Variants in DTWD2 observed in about 807,000 individuals in gnomAD.
DTWD2 encodes the protein tRNA-uridine aminocarboxypropyltransferase 2.
Under a neutral mutation model 31.8 loss-of-function variants are expected in DTWD2, and 39 were observed. That is an observed-to-expected ratio of 1.22 (90% CI 0.95 to 1.60). The LOEUF is 1.60. Among genes scored for constraint, DTWD2 ranks in the 40% most tolerant of loss-of-function variants. DTWD2 has a pLI of 0.00. For synonymous variants in DTWD2, 180 were observed against 142.8 expected, an observed-to-expected ratio of 1.26 and a Z score of -1.86; for missense variants, 515 against 381.5, an observed-to-expected ratio of 1.35 and a Z score of -2.92.
chr5:118,978,419 TATC>T (rs577806132), intron 1 of DTWD2, among the ~76,000 whole-genome samples: 31 of 152,166 alleles, frequency 2.0e-4, no homozygotes, highest in African/African-American at 6.7e-4. Context: ...CAAAAGAAAC[TATC>T]ATCAGAGTGA....
At chr5:118,951,239 T>C (rs1469259671) in intron 1 of DTWD2, among the ~76,000 whole-genome samples, 1 of 151,554 alleles carries the variant, frequency 6.6e-6, no homozygotes, top group East Asian at 1.9e-4. Context: ...ATAGAAGGAT[T>C]ATAGGGTGGA....
intron 1 of DTWD2, among the ~76,000 whole-genome samples, chr5:118,958,145 G>C (rs747370560): frequency 4.6e-5 from 7 of 152,026 alleles, no homozygotes; most frequent in Non-Finnish European, 8.8e-5. Context: ...TTGGTTATTT[G>C]AAAGAATAAA....
chr5:118,933,312 CTA>C (rs1753966806), intron 3 of DTWD2, among the ~76,000 whole-genome samples: 1 of 152,134 alleles, frequency 6.6e-6, no homozygotes, highest in African/African-American at 2.4e-5. Context: ...CTAATTCATT[CTA>C]TAAGGCCAGC....
At chr5:118,851,212 C>G (rs1176457187) in intron 4 of DTWD2, among the ~76,000 whole-genome samples, 2 of 131,454 alleles carry the variant, frequency 1.5e-5, no homozygotes, top group Non-Finnish European at 1.6e-5. Context: ...GAGTGAGACC[C>G]TATCTCAAAA....
At chr5:118,920,742 G>C (rs1753684725) in intron 4 of DTWD2, among the ~76,000 whole-genome samples, 1 of 152,144 alleles carries the variant, frequency 6.6e-6, no homozygotes, top group Non-Finnish European at 1.5e-5. Flanking sequence ...AAATATTACA[G>C]TTATATTCAT....
chr5:118,856,369 T>C (rs1029728566), intron 4 of DTWD2, among the ~76,000 whole-genome samples: 1 of 152,208 alleles, frequency 6.6e-6, no homozygotes, highest in Admixed American at 6.5e-5. Flanking sequence ...ACAGTATCCC[T>C]GTCTGTGAAT....
chr5:118,951,037 G>T (rs542210847), intron 1 of DTWD2, among the ~76,000 whole-genome samples: 1 of 152,094 alleles, frequency 6.6e-6, no homozygotes, highest in East Asian at 1.9e-4. Flanking sequence ...ACTGGGCTGG[G>T]TTTTCATATT....
chr5:118,870,292 G>T (rs1418565445), intron 4 of DTWD2, among the ~76,000 whole-genome samples: 1 of 152,086 alleles, frequency 6.6e-6, no homozygotes, highest in Non-Finnish European at 1.5e-5. Context: ...TAATAGTAAC[G>T]AACTAGACAT....
At chr5:118,854,100 C>T (rs1752075752) in intron 4 of DTWD2, among the ~76,000 whole-genome samples, 1 of 152,078 alleles carries the variant, frequency 6.6e-6, no homozygotes, top group African/African-American at 2.4e-5. Flanking sequence ...GTTGAGGTAG[C>T]TCACTTACAG....
chr5:118,908,094 T>C (rs189232613), intron 4 of DTWD2, among the ~76,000 whole-genome samples: 4 of 152,350 alleles, frequency 2.6e-5, no homozygotes, highest in Admixed American at 2.6e-4. Context: ...TTCATGTTTA[T>C]TAAAAATGAG....
At chr5:118,882,543 G>T (rs1455873443) in intron 4 of DTWD2, among the ~76,000 whole-genome samples, 1 of 152,224 alleles carries the variant, frequency 6.6e-6, no homozygotes, top group Non-Finnish European at 1.5e-5. Context: ...CTCCATGAGG[G>T]CTCTGCACCT....
chr5:118,842,662 C>T (rs114728901), intron 5 of DTWD2, among the ~76,000 whole-genome samples: 1,574 of 152,080 alleles, frequency 0.01, 28 homozygotes, highest in African/African-American at 0.036. Flanking sequence ...CTGTAATATA[C>T]ACCCCCACAT....
intron 1 of DTWD2, among the ~76,000 whole-genome samples, chr5:118,952,972 A>T (rs1319504974): frequency 6.6e-6 from 1 of 152,156 alleles, no homozygotes; most frequent in African/African-American, 2.4e-5. Context: ...TTGTTTTCAC[A>T]TCTTCCTCTC....
rs371000889 is a variant in DTWD2, at chr5:118,886,125, T to C, written c.598-37907A>G. Among the ~76,000 whole-genome samples the C allele has an allele frequency of 8.5e-5, 13 of 152,380 alleles. No homozygotes were observed. In the East Asian group the frequency reaches 9.6e-4, roughly 11 times the overall value. ...TTTATTATAAATTGTGCTTATTCAC[T>C]GGAATTATTAATTAACATACTGTCT... On this transcript the variant is annotated intron_variant, in intron 4 of 5. Coordinates refer to ENST00000510708, the MANE Select transcript of DTWD2 (RefSeq NM_173666.4).
chr5:118,939,138 C>T, intron 3 of DTWD2, 58 bp downstream of exon 3: 1 of 1,498,210 alleles, frequency 6.7e-7, no homozygotes, highest in Non-Finnish European at 9.0e-7. Flanking sequence ...TGAAAGAAAC[C>T]ATTTTTTAAG....
intron 4 of DTWD2, among the ~76,000 whole-genome samples, chr5:118,922,313 C>T (rs1212971102): frequency 6.6e-6 from 1 of 152,120 alleles, no homozygotes; most frequent in Non-Finnish European, 1.5e-5. Flanking sequence ...AACTATATTT[C>T]TTCTATAAAC....
rs1561418897 is a variant in DTWD2 at position 118,837,684 on chromosome 5, T to G, written c.*3233A>C. The G allele has an allele frequency of 6.6e-6, 1 of 152,174 alleles. No homozygotes were observed. The highest frequency in any genetic ancestry group is 1.5e-5 in the Non-Finnish European group (1 of 68,046). 9.4% of individuals were successfully genotyped at this position (152,174 alleles called of 1,614,324 possible). A position where few individuals can be genotyped will look rare whatever the true frequency, so the allele number is the denominator to read the frequency against. ...GAGAGGCCAAGGCAGAAGGATCGCT[T>G]GAGGCCAGGAGTTCAGGACCAGCCT... is the stretch of plus-strand genomic sequence containing the variant. On this transcript the variant is annotated 3_prime_UTR_variant, in exon 6 of 6. Transcript: ENST00000510708.
intron 4 of DTWD2, among the ~76,000 whole-genome samples, chr5:118,870,644 T>C (rs2149549353): frequency 6.6e-6 from 1 of 152,330 alleles, no homozygotes; most frequent in Admixed American, 6.5e-5. Context: ...CATCCTCCTT[T>C]GGTGGAGGGT....
intron 4 of DTWD2, among the ~76,000 whole-genome samples, chr5:118,877,265 G>A (rs538453630): frequency 6.6e-6 from 1 of 152,292 alleles, no homozygotes; most frequent in South Asian, 2.1e-4. Flanking sequence ...AAGGTCAGGA[G>A]ATCGAGACCA....
Sources: gnomAD v4.1 joint callset for allele counts (sites outside exome capture counted in the v4.1 genomes callset) on GRCh38, gnomAD v4.1.1 for gene constraint, MANE v1.5 for transcripts, NCBI Gene and HGNC (gene_info 2026-07-23, HGNC 2026-07-21) for gene names.